NEK1: variants seen among roughly 807,000 people sequenced by gnomAD.
NEK1 encodes the protein serine/threonine-protein kinase Nek1.
Under a neutral mutation model 182.1 loss-of-function variants are expected in NEK1, and 137 were observed. The observed-to-expected ratio is 0.75, with a 90% confidence interval of 0.65 to 0.87. The LOEUF is 0.87. NEK1 is among the 40% of genes least tolerant of loss of function. The pLI is 0.00. For missense variants in NEK1, 1,391 were observed against 1,494.4 expected, an observed-to-expected ratio of 0.93 and a Z score of 1.14; for synonymous variants, 513 against 492.2, an observed-to-expected ratio of 1.04 and a Z score of -0.56.
intron 16 of NEK1, 39 bp from the exon 17 acceptor site, chr4:169,556,134 T>G (rs375207001): frequency 1.9e-6 from 3 of 1,585,760 alleles, no homozygotes; most frequent in Non-Finnish European, 2.6e-6. Context: ...GTTTATCTTA[T>G]AAGGCCTAAC....
At chr4:169,598,373 A>T (rs769250476) in intron 5 of NEK1, among the ~76,000 whole-genome samples, 11 of 152,192 alleles carry the variant, frequency 7.2e-5, no homozygotes, top group Non-Finnish European at 4.4e-5. Flanking sequence ...GAAATGTGAT[A>T]GGAATGTAGA....
intron 28 of NEK1, among the ~76,000 whole-genome samples, chr4:169,435,582 T>C (rs941104137): frequency 2.8e-4 from 43 of 152,206 alleles, no homozygotes; most frequent in African/African-American, 8.2e-4. Flanking sequence ...CCTTGAGTAA[T>C]GGAAGACAGT....
At chr4:169,498,389 A>G (rs1447276230) in intron 23 of NEK1, among the ~76,000 whole-genome samples, 2 of 152,194 alleles carry the variant, frequency 1.3e-5, no homozygotes, top group Admixed American at 6.5e-5. Flanking sequence ...TAATTGGAGC[A>G]TTTAGCCCAT....
At chr4:169,590,063 T>C (rs1768188719) in intron 6 of NEK1, among the ~76,000 whole-genome samples, 1 of 152,086 alleles carries the variant, frequency 6.6e-6, no homozygotes, top group Admixed American at 6.5e-5. Context: ...ATCCCAGCAC[T>C]TTGGAAGGCT....
At chr4:169,459,268 T>C (rs1743496503) in intron 27 of NEK1, among the ~76,000 whole-genome samples, 2 of 152,158 alleles carry the variant, frequency 1.3e-5, no homozygotes, top group African/African-American at 4.8e-5. Context: ...CAGCATATAG[T>C]AAGAATCATA....
At chr4:169,502,472 C>T (rs553758089) in intron 23 of NEK1, among the ~76,000 whole-genome samples, 23 of 152,002 alleles carry the variant, frequency 1.5e-4, no homozygotes, top group African/African-American at 5.5e-4. Context: ...AAAATAGACA[C>T]AAAAATCCTC....
chr4:169,418,749 G>A (rs1579442283), intron 31 of NEK1, among the ~76,000 whole-genome samples: 1 of 152,108 alleles, frequency 6.6e-6, no homozygotes, highest in Non-Finnish European at 1.5e-5. Context: ...TTAGTGACCC[G>A]TGGAATGGTA....
chr4:169,421,479 G>C lies in NEK1; in HGVS notation c.3222+3074C>G, dbSNP rs1224248685. On this transcript the variant is annotated intron_variant, in intron 31 of 35. Coordinates refer to ENST00000507142, the MANE Select transcript of NEK1 (RefSeq NM_001199397.3). ...TGTAATCCCCAAGAGTCAGTGAAGG[G>C]ACCTGGTGGGAGGTGACTGGATCAT... Among the ~76,000 whole-genome samples the C allele has an allele frequency of 2.6e-5, 4 of 152,170 alleles. No homozygotes were observed. The East Asian group carries it at 7.7e-4, about 29-fold the overall frequency.
rs562664799 is a variant in NEK1, at chr4:169,452,889, T to C, written c.2587+10354A>G. ...AAGTCAAATTGTCCCTGTTTGCAGA[T>C]GACATGATTGTATATTTAAAACCCT... On this transcript the variant is annotated intron_variant, in intron 27 of 35. Transcript: ENST00000507142. 1.1e-4 allele frequency among the ~76,000 whole-genome samples: 16 copies of C among 144,594 alleles called. 1 individual carries two copies. The highest frequency in any genetic ancestry group is 3.9e-4 in the East Asian group (2 of 5,078). 94.9% of individuals were successfully genotyped at this position (144,594 alleles called of 152,430 possible). A position where few individuals can be genotyped will look rare whatever the true frequency, so the allele number is the denominator to read the frequency against.
At chr4:169,464,818 T>A (rs907411358) in intron 26 of NEK1, among the ~76,000 whole-genome samples, 1 of 152,116 alleles carries the variant, frequency 6.6e-6, no homozygotes, top group Admixed American at 6.6e-5. Flanking sequence ...AGAAAATTTG[T>A]CCTGCTTTAT....
intron 23 of NEK1, among the ~76,000 whole-genome samples, chr4:169,497,274 A>G (rs868167046): frequency 3.3e-3 from 493 of 151,644 alleles, no homozygotes; most frequent in Middle Eastern, 0.01. Context: ...TTTTTATTGC[A>G]TCTATTTGAT....
chr4:169,556,746 A>G (rs1239849929), intron 16 of NEK1, among the ~76,000 whole-genome samples: 2 of 152,078 alleles, frequency 1.3e-5, no homozygotes, highest in East Asian at 1.9e-4. Flanking sequence ...AGTAAAAAAA[A>G]AAAAAAAAAT....
At chr4:169,513,788 G>A (rs1169309747) in intron 19 of NEK1, among the ~76,000 whole-genome samples, 1 of 151,878 alleles carries the variant, frequency 6.6e-6, no homozygotes, top group African/African-American at 2.4e-5. Context: ...AATGGGTGCT[G>A]ATTTTTTTCA....
In NEK1 at chr4:169,508,744, G is replaced by A. The variant is rs746123074; in HGVS notation, c.1749+25C>T. 34 of 1,515,488 alleles carry A rather than the reference G, an allele frequency of 2.2e-5. No homozygotes were observed. The South Asian group carries it at 4.0e-4, about 18-fold the overall frequency. 93.9% of individuals were successfully genotyped at this position (1,515,488 alleles called of 1,614,324 possible). ...AATTCAAAAATGGCTATGTGATGGA[G>A]GTAGCGAACATGCGGGAAGCATACC... On this transcript the variant is annotated intron_variant, in intron 20 of 35. Coordinates refer to ENST00000507142, the MANE Select transcript of NEK1 (RefSeq NM_001199397.3).
intron 35 of NEK1, among the ~76,000 whole-genome samples, chr4:169,399,784 C>T (rs1040333566): frequency 1.3e-5 from 2 of 151,956 alleles, no homozygotes; most frequent in African/African-American, 2.4e-5. Context: ...CTATGCCTAG[C>T]TAATTAAAAA....
intron 31 of NEK1, among the ~76,000 whole-genome samples, chr4:169,406,985 G>C (rs1732755976): frequency 6.6e-6 from 1 of 151,938 alleles, no homozygotes; most frequent in Non-Finnish European, 1.5e-5. Flanking sequence ...TTGAATTTCA[G>C]CTCAGTCTTT....
Position 169,571,198 on chromosome 4 carries a change from A to ATAAG in NEK1, c.1020+5729_1020+5730insCTTA, listed in dbSNP as rs1422549562. ...AATAAAAAAATAAATAAATAAATAAATAAATAAATAAATAAATAAATAAAA... is the reference window on the plus strand; with the variant it reads ...AATAAAAAAATAAATAAATAAATAAATAAGTAAATAAATAAATAAATAAATAAAA... On this transcript the variant is annotated intron_variant, in intron 12 of 35. Coordinates refer to ENST00000507142, the MANE Select transcript of NEK1 (RefSeq NM_001199397.3). 3.4e-5 allele frequency among the ~76,000 whole-genome samples: 5 copies of ATAAG among 148,048 alleles called. No homozygotes were observed. The East Asian group carries it at 7.7e-4, about 23-fold the overall frequency.
intron 15 of NEK1, 60 bp from the exon 16 acceptor site, chr4:169,561,614 A>G: frequency 6.3e-7 from 1 of 1,592,988 alleles, no homozygotes; most frequent in Non-Finnish European, 8.6e-7. Flanking sequence ...AATACACGTA[A>G]TACATTTAGC....
intron 26 of NEK1, among the ~76,000 whole-genome samples, chr4:169,469,128 CTCTGA>C (rs918076399): frequency 7.2e-5 from 11 of 151,954 alleles, no homozygotes; most frequent in African/African-American, 2.7e-4. Context: ...TTCAGTTCTG[CTCTGA>C]TCTTAGTTAT....
Sources: gnomAD v4.1 joint callset for allele counts (sites outside exome capture counted in the v4.1 genomes callset) on GRCh38, gnomAD v4.1.1 for gene constraint, MANE v1.5 for transcripts, NCBI Gene and HGNC (gene_info 2026-07-23, HGNC 2026-07-21) for gene names.